The following INPP5A variants were observed in gnomAD, a reference collection of about 807,000 sequenced individuals.
INPP5A encodes the protein 43 kDa inositol polyphosphate 5-phophatase.
INPP5A carries 14 observed loss-of-function variants against 65.2 expected under a neutral mutation model. The ratio of observed to expected loss-of-function variants is 0.21; its 90% confidence interval spans 0.14 to 0.34. INPP5A has a LOEUF of 0.34. INPP5A is among the 10% of genes least tolerant of loss of function. The probability of loss-of-function intolerance (pLI) is 1.00; values close to 1 mark genes in which losing one functional copy is unlikely to be tolerated. For missense variants in INPP5A, 431 were observed against 545.6 expected, an observed-to-expected ratio of 0.79 and a Z score of 2.09; for synonymous variants, 207 against 208.3, an observed-to-expected ratio of 0.99 and a Z score of 0.05.
At chr10:132,610,866 C>T (rs187554186) in intron 2 of INPP5A, among the ~76,000 whole-genome samples, 1 of 152,238 alleles carries the variant, frequency 6.6e-6, no homozygotes, top group African/African-American at 2.4e-5. Flanking sequence ...GTAGGCAGAT[C>T]GCTTGGAGAA....
chr10:132,754,448 G>A (rs1846553777), intron 11 of INPP5A, among the ~76,000 whole-genome samples: 2 of 152,150 alleles, frequency 1.3e-5, no homozygotes, highest in Non-Finnish European at 2.9e-5. Context: ...CAGGCTCAGG[G>A]CTGGTCAGTG....
intron 12 of INPP5A, among the ~76,000 whole-genome samples, chr10:132,769,603 C>G (rs1846913679): frequency 6.6e-6 from 1 of 152,210 alleles, no homozygotes; most frequent in South Asian, 2.1e-4. Context: ...ATGAGTCTTG[C>G]CCACTCTGGT....
chr10:132,702,538 A>G (rs563653120), intron 6 of INPP5A, among the ~76,000 whole-genome samples: 1 of 152,196 alleles, frequency 6.6e-6, no homozygotes, highest in Non-Finnish European at 1.5e-5. Flanking sequence ...AAAACTGTTG[A>G]CGGTTATCGC....
At chr10:132,709,139 C>G (rs992863686) in intron 7 of INPP5A, among the ~76,000 whole-genome samples, 1 of 151,476 alleles carries the variant, frequency 6.6e-6, no homozygotes, top group Admixed American at 6.5e-5. Flanking sequence ...TTCCAGAGGA[C>G]TCATCTCCGA....
At chr10:132,730,401 G>A (rs936621767) in intron 9 of INPP5A, among the ~76,000 whole-genome samples, 5 of 152,246 alleles carry the variant, frequency 3.3e-5, no homozygotes, top group Admixed American at 6.5e-5. Flanking sequence ...CCGGGGCTGC[G>A]TGGGCAGCGC....
In INPP5A at chr10:132,726,881, G is replaced by A; in HGVS notation, c.708G>A (p.Arg236=). ...SYFVFGDFNF[R]LDSKSVVETL... is the part of the protein sequence containing the mutation. ...TTGTATTTGGTGATTTCAACTTCCG[G>A]CTGGATTCCAAGTCCGTCGTGGAGG... The change falls in exon 9 of 16, where the codon CGG becomes CGA. Residue 236 remains arginine, a synonymous_variant. Transcript: ENST00000368594. The A allele has an allele frequency of 6.2e-7, 1 of 1,609,954 alleles. No individual in the cohort carries two copies. Among genetic ancestry groups the A allele is most frequent in the Non-Finnish European group, 8.5e-7 (1 of 1,176,898 alleles).
At chr10:132,765,932 T>A in intron 12 of INPP5A, 86 bp downstream of exon 12, 1 of 806,824 alleles carries the variant, frequency 1.2e-6, no homozygotes, top group Non-Finnish European at 2.2e-6. Flanking sequence ...TGCGTGTCTG[T>A]GTGTGCCAGT....
chr10:132,711,427 A>C (rs1564976724), intron 8 of INPP5A, among the ~76,000 whole-genome samples: 1 of 152,202 alleles, frequency 6.6e-6, no homozygotes, highest in Non-Finnish European at 1.5e-5. Context: ...TCCCGCCAGC[A>C]TCCCTGTGGT....
chr10:132,777,818 G>A (rs947464191), intron 13 of INPP5A, 36 bp downstream of exon 13: 1 of 1,603,464 alleles, frequency 6.2e-7, no homozygotes, highest in East Asian at 2.3e-5. Context: ...GGCACAGAGG[G>A]ATGTGGAGCG....
intron 11 of INPP5A, among the ~76,000 whole-genome samples, chr10:132,755,616 G>A (rs945693785): frequency 7.2e-6 from 1 of 138,056 alleles, no homozygotes; most frequent in African/African-American, 2.8e-5. Flanking sequence ...GAGTGAGTGG[G>A]TGTGTGTGTG....
rs797011081 is a variant in INPP5A, at chr10:132,642,569, G to A, written c.118-3299G>A. Reference sequence around the variant, plus strand: ...TGTGATGGCGTTTGCCTACAGAGCTGTGTGCGTCGCAGCCCCCTCTCCTCC... The same window carrying A: ...TGTGATGGCGTTTGCCTACAGAGCTATGTGCGTCGCAGCCCCCTCTCCTCC... On this transcript the variant is annotated intron_variant, in intron 2 of 15. Transcript: ENST00000368594. Among the ~76,000 whole-genome samples, 17 of 152,328 alleles carry A rather than the reference G, an allele frequency of 1.1e-4. 1 individual carries two copies. The highest frequency in any genetic ancestry group is 3.6e-4 in the African/African-American group (15 of 41,566).
At position 132,761,989 on chromosome 10, in the gene INPP5A, GTAT is replaced by G. The variant is rs1846743136; in HGVS notation, c.904-3780_904-3778del. 2.0e-5 allele frequency among the ~76,000 whole-genome samples: 3 copies of G among 152,322 alleles called. No individual in the cohort carries two copies. The South Asian group carries it at 6.2e-4, about 32-fold the overall frequency. ...ATAAAAAAAAGTAGGACTCATAGAA[GTAT>G]TATCATTAAAATTAAAAGCTCCAGG... is the stretch of plus-strand genomic sequence containing the variant. On this transcript the variant is annotated intron_variant, in intron 11 of 15. Coordinates refer to ENST00000368594, the MANE Select transcript of INPP5A (RefSeq NM_005539.5).
chr10:132,683,579 C>T (rs1274760677), intron 4 of INPP5A, among the ~76,000 whole-genome samples: 1 of 152,228 alleles, frequency 6.6e-6, no homozygotes, highest in Admixed American at 6.5e-5. Flanking sequence ...ACCCATGTAC[C>T]TGGATGCTTG....
Position 132,706,823 on chromosome 10 carries a change from T to A in INPP5A, c.475-1490T>A, listed in dbSNP as rs1464529224. Among the ~76,000 whole-genome samples the A allele has an allele frequency of 6.6e-6, 1 of 151,924 alleles. No individual in the cohort carries two copies. Among genetic ancestry groups the A allele is most frequent in the African/African-American group, 2.4e-5 (1 of 41,358 alleles). ...GGGCTGCAGGGGCCACTGTGCTGGA[T>A]GGGGACCAGGAGAAGGAGACAGGGC... On this transcript the variant is annotated intron_variant, in intron 6 of 15. Transcript: ENST00000368594. The surrounding 1 kb of genome is among the most constrained non-coding windows in gnomAD (Gnocchi z 4.7).
intron 12 of INPP5A, among the ~76,000 whole-genome samples, chr10:132,770,857 G>C (rs551795141): frequency 3.9e-5 from 6 of 152,306 alleles, no homozygotes; most frequent in Admixed American, 1.3e-4. Context: ...GGCACGTCTG[G>C]CACCCAGTGC....
At chr10:132,643,870 C>T (rs1456399854) in intron 2 of INPP5A, among the ~76,000 whole-genome samples, 3 of 152,106 alleles carry the variant, frequency 2.0e-5, no homozygotes, top group African/African-American at 7.2e-5. Context: ...CACAGGGGGT[C>T]GTGGAGGCTC....
At chr10:132,667,754 T>C (rs536931584) in intron 4 of INPP5A, among the ~76,000 whole-genome samples, 2 of 152,264 alleles carry the variant, frequency 1.3e-5, no homozygotes, top group Admixed American at 1.3e-4. Context: ...GAATTAAACA[T>C]TAAAGGGTCC....
At chr10:132,748,592 T>G (rs567932560) in intron 9 of INPP5A, among the ~76,000 whole-genome samples, 6 of 152,200 alleles carry the variant, frequency 3.9e-5, no homozygotes, top group Non-Finnish European at 8.8e-5. Context: ...ATTCCCTGCA[T>G]TGTACTGAGG....
At chr10:132,664,535 C>T (rs2072777915) in intron 4 of INPP5A, among the ~76,000 whole-genome samples, 1 of 152,192 alleles carries the variant, frequency 6.6e-6, no homozygotes, top group South Asian at 2.1e-4. Flanking sequence ...AGATGGGTGT[C>T]TACACAGACC....
Sources: allele counts gnomAD v4.1 joint callset (sites outside exome capture counted in the v4.1 genomes callset), GRCh38; gene constraint gnomAD v4.1.1; non-coding constraint Gnocchi (gnomAD v3.1); transcripts MANE v1.5; gene names NCBI Gene and HGNC (gene_info 2026-07-23, HGNC 2026-07-21).